Variants in FBXL20 observed in about 807,000 individuals in gnomAD.
FBXL20 encodes the protein F-box/LRR-repeat protein 20.
In FBXL20, 11 loss-of-function variants were observed where a neutral mutation model predicts 64.0. The observed-to-expected ratio is 0.17, with a 90% CI of 0.11 to 0.28. The LOEUF is 0.28. Ranked by LOEUF, FBXL20 falls within the 10% of genes least tolerant of loss-of-function variation. FBXL20 has a pLI of 1.00. For missense variants in FBXL20, 303 were observed against 526.2 expected (o/e 0.58, Z 4.15); for synonymous variants, 184 against 189.0 (o/e 0.97, Z 0.22).
intron 4 of FBXL20, 35 bp downstream of exon 4, chr17:39,300,965 AC>A: frequency 1.3e-6 from 2 of 1,580,748 alleles, no homozygotes; most frequent in Non-Finnish European, 1.7e-6. Context: ...GTAATTACTA[AC>A]ATGAAAACTG....
intron 2 of FBXL20, among the ~76,000 whole-genome samples, chr17:39,336,701 G>A (rs1374843357): frequency 1.3e-5 from 2 of 151,940 alleles, no homozygotes; most frequent in African/African-American, 2.4e-5. Flanking sequence ...GCGCACGCCT[G>A]TAATCCCAGC....
intron 1 of FBXL20, among the ~76,000 whole-genome samples, chr17:39,359,422 A>G (rs1160994909): frequency 6.6e-6 from 1 of 152,200 alleles, no homozygotes; most frequent in Non-Finnish European, 1.5e-5. Context: ...CAGGAGTTCA[A>G]GACCAGCCTG....
At chr17:39,336,002 C>G (rs2047518066) in intron 2 of FBXL20, among the ~76,000 whole-genome samples, 3 of 151,940 alleles carry the variant, frequency 2.0e-5, no homozygotes, top group African/African-American at 7.3e-5. Context: ...TGCGTGTAGT[C>G]CCAGCTACTC....
At chr17:39,374,425 C>T (rs1373644712) in intron 1 of FBXL20, among the ~76,000 whole-genome samples, 1 of 151,488 alleles carries the variant, frequency 6.6e-6, no homozygotes, top group Non-Finnish European at 1.5e-5. Context: ...AATGTAATCC[C>T]AGCTACCTGG....
At chr17:39,262,015 C>T (rs957757020) in intron 14 of FBXL20, among the ~76,000 whole-genome samples, 6 of 151,820 alleles carry the variant, frequency 4.0e-5, no homozygotes, top group African/African-American at 1.2e-4. Flanking sequence ...GTGGTCCGCC[C>T]AAGGATGGGA....
At chr17:39,379,627 A>C (rs1225646342) in intron 1 of FBXL20, among the ~76,000 whole-genome samples, 1 of 151,510 alleles carries the variant, frequency 6.6e-6, no homozygotes, top group Admixed American at 6.6e-5. Flanking sequence ...TAAAAATAAA[A>C]AAAATTAGCT....
At chr17:39,281,640 A>C (rs2046951465) in intron 8 of FBXL20, among the ~76,000 whole-genome samples, 177 bp from the exon 9 acceptor site, 5 of 152,238 alleles carry the variant, frequency 3.3e-5, no homozygotes, top group Admixed American at 3.3e-4. Flanking sequence ...TATGATTCTC[A>C]GTATTTTTAA....
intron 2 of FBXL20, among the ~76,000 whole-genome samples, chr17:39,312,139 G>C (rs574181840): frequency 6.6e-6 from 1 of 152,074 alleles, no homozygotes; most frequent in African/African-American, 2.4e-5. Context: ...AGAACTGGCC[G>C]GGCATGGTGG....
intron 1 of FBXL20, among the ~76,000 whole-genome samples, chr17:39,386,469 C>G (rs1597835339): frequency 6.6e-6 from 1 of 151,796 alleles, no homozygotes; most frequent in Non-Finnish European, 1.5e-5. Context: ...ACAAAAAATA[C>G]AAAAATTAGC....
At chr17:39,315,792 G>A (rs924931986) in intron 2 of FBXL20, among the ~76,000 whole-genome samples, 39 of 148,678 alleles carry the variant, frequency 2.6e-4, no homozygotes, top group African/African-American at 9.6e-4. Flanking sequence ...CCAATGAAGT[G>A]AAGAGGGGAT....
chr17:39,332,960 G>A (rs1158773395), intron 2 of FBXL20, among the ~76,000 whole-genome samples: 1 of 151,998 alleles, frequency 6.6e-6, no homozygotes, highest in Admixed American at 6.6e-5. Context: ...AGTATGAATT[G>A]CTGCCTTTTT....
chr17:39,280,122 C>T (rs1378208685), intron 9 of FBXL20, among the ~76,000 whole-genome samples: 3 of 151,716 alleles, frequency 2.0e-5, no homozygotes, highest in Non-Finnish European at 4.4e-5. Flanking sequence ...GTAATCCCAG[C>T]TACTTGGGAG....
chr17:39,303,683 G>A, intron 2 of FBXL20, 44 bp from the exon 3 acceptor site: 1 of 1,531,220 alleles, frequency 6.5e-7, no homozygotes. Context: ...GTATGATAAA[G>A]TAGTTGACCT....
intron 1 of FBXL20, among the ~76,000 whole-genome samples, chr17:39,389,497 G>T (rs1302025160): frequency 6.6e-6 from 1 of 152,178 alleles, no homozygotes; most frequent in African/African-American, 2.4e-5. Context: ...AGTGGGAAAG[G>T]GTATTGGCAA....
chr17:39,272,708 A>G, intron 10 of FBXL20, among the ~76,000 whole-genome samples: 1 of 140,792 alleles, frequency 7.1e-6, no homozygotes, highest in East Asian at 2.0e-4. Flanking sequence ...TCTCAAAAAA[A>G]AAAAAAAAAA....
chr17:39,398,952 C>G (rs2048214144), intron 1 of FBXL20, among the ~76,000 whole-genome samples: 1 of 152,140 alleles, frequency 6.6e-6, no homozygotes, highest in African/African-American at 2.4e-5. Flanking sequence ...GGATTACAGG[C>G]ATGAGCCACC....
Position 39,264,261 on chromosome 17 carries a change from C to G in FBXL20, c.1117G>C (p.Glu373Gln), listed in dbSNP as rs1343715701. Residue 373 changes from glutamate to glutamine, a missense_variant, in exon 14 of 15, where the codon GAG becomes CAG. This residue lies in a region of FBXL20 where 56 missense variants were observed against 86.0 expected (regional missense o/e 0.65). Transcript: ENST00000264658. ...AGGCTATGACAGCTCTTCAAGTGCT[C>G]CAGGGATGCATCTGTGATTAGTGGG... ...NCPLITDASL[E>Q]HLKSCHSLER... 3 of 1,614,204 alleles carry G rather than the reference C, an allele frequency of 1.9e-6. No individual in the cohort carries two copies. The highest frequency in any genetic ancestry group is 2.5e-6 in the Non-Finnish European group (3 of 1,180,048).
chr17:39,352,713 A>C (rs889240178), intron 1 of FBXL20, among the ~76,000 whole-genome samples: 1 of 151,898 alleles, frequency 6.6e-6, no homozygotes, highest in Non-Finnish European at 1.5e-5. Flanking sequence ...GAAGAAAAAA[A>C]AGGAAAGAAA....
intron 1 of FBXL20, among the ~76,000 whole-genome samples, chr17:39,369,597 C>T (rs1464007025): frequency 2.6e-5 from 4 of 152,070 alleles, no homozygotes; most frequent in Middle Eastern, 3.2e-3. Context: ...ATGATCCACC[C>T]GGCTTGGCCT....
Sources: allele counts gnomAD v4.1 joint callset (sites outside exome capture counted in the v4.1 genomes callset), GRCh38; gene constraint gnomAD v4.1.1; regional missense constraint gnomAD v4.1.1; transcripts MANE v1.5; gene names NCBI Gene and HGNC (gene_info 2026-07-23, HGNC 2026-07-21).